Variants in EXOC2 observed in about 807,000 individuals in gnomAD.
EXOC2 encodes the protein exocyst complex component 2.
In EXOC2, 70 loss-of-function variants were observed where a neutral mutation model predicts 131.8. The ratio of observed to expected loss-of-function variants is 0.53; its 90% CI spans 0.44 to 0.65. The LOEUF (loss-of-function observed/expected upper bound fraction) is 0.65, where lower values mean the gene tolerates loss of function less well. EXOC2 is among the 30% of genes least tolerant of loss of function. The probability of loss-of-function intolerance (pLI) is 0.00; values close to 1 mark genes in which losing one functional copy is unlikely to be tolerated. For missense variants in EXOC2, 923 were observed against 1,108.6 expected (o/e 0.83, Z 2.38); for synonymous variants, 411 against 398.4 (o/e 1.03, Z -0.38).
chr6:660,739 G>A (rs1763389091), intron 1 of EXOC2, among the ~76,000 whole-genome samples: 2 of 151,948 alleles, frequency 1.3e-5, no homozygotes, highest in Non-Finnish European at 2.9e-5. Flanking sequence ...ACAAAACAAG[G>A]CTCTTCAACA....
At chr6:565,445 T>A (rs1215502443) in intron 13 of EXOC2, among the ~76,000 whole-genome samples, 1 of 152,238 alleles carries the variant, frequency 6.6e-6, no homozygotes, top group African/African-American at 2.4e-5. Context: ...TTTACTGATA[T>A]AACTCATGTT....
chr6:517,975 CAA>C (rs1338820143), intron 23 of EXOC2, among the ~76,000 whole-genome samples: 4 of 152,148 alleles, frequency 2.6e-5, no homozygotes, highest in African/African-American at 9.7e-5. Flanking sequence ...AAAAGTGACT[CAA>C]GAGAGGTTTA....
intron 23 of EXOC2, among the ~76,000 whole-genome samples, chr6:516,032 T>C (rs1765145389): frequency 6.6e-6 from 1 of 152,212 alleles, no homozygotes; most frequent in African/African-American, 2.4e-5. Flanking sequence ...GTGAGGCATG[T>C]TATAAATAAC....
At chr6:539,942 T>C (rs956786214) in intron 22 of EXOC2, among the ~76,000 whole-genome samples, 7 of 152,168 alleles carry the variant, frequency 4.6e-5, no homozygotes, top group Admixed American at 4.6e-4. Context: ...GCAAAATAAA[T>C]GCCAAGTAAA....
At chr6:636,390 C>T (rs1248342897) in intron 2 of EXOC2, among the ~76,000 whole-genome samples, 3 of 152,164 alleles carry the variant, frequency 2.0e-5, no homozygotes, top group Admixed American at 6.5e-5. Context: ...GGTTTTCTCC[C>T]GACTGTAACC....
intron 4 of EXOC2, among the ~76,000 whole-genome samples, chr6:620,567 G>A (rs1300255968): frequency 2.6e-5 from 4 of 152,094 alleles, no homozygotes; most frequent in Admixed American, 6.5e-5. Flanking sequence ...TAACAGTTAC[G>A]CAGTGGGGAA....
At chr6:616,613 A>C (rs1761022587) in intron 6 of EXOC2, among the ~76,000 whole-genome samples, 1 of 151,278 alleles carries the variant, frequency 6.6e-6, no homozygotes, top group East Asian at 1.9e-4. Context: ...AAAAAAAAAA[A>C]AAAAAAAAAA....
chr6:659,935 G>A (rs1008591177), intron 1 of EXOC2, among the ~76,000 whole-genome samples: 1 of 151,248 alleles, frequency 6.6e-6, no homozygotes, highest in Non-Finnish European at 1.5e-5. Flanking sequence ...TTTTTAGTTC[G>A]CAGCTGGGAG....
At chr6:570,491 T>C (rs1173517650) in intron 13 of EXOC2, among the ~76,000 whole-genome samples, 1 of 152,240 alleles carries the variant, frequency 6.6e-6, no homozygotes, top group African/African-American at 2.4e-5. Flanking sequence ...TATTCAATTC[T>C]ACTCCAGCAG....
chr6:531,516 T>C (rs1766085669), intron 23 of EXOC2, among the ~76,000 whole-genome samples: 1 of 152,244 alleles, frequency 6.6e-6, no homozygotes, highest in Non-Finnish European at 1.5e-5. Context: ...CTGTGGCTAA[T>C]TTAATGATCC....
chr6:682,133 A>G (rs1351250447), intron 1 of EXOC2, among the ~76,000 whole-genome samples: 3 of 152,114 alleles, frequency 2.0e-5, no homozygotes, highest in Non-Finnish European at 4.4e-5. Context: ...CCAGTCACAC[A>G]TAGGGCACTT....
chr6:534,215 A>C (rs533230744), intron 22 of EXOC2, among the ~76,000 whole-genome samples: 3 of 152,314 alleles, frequency 2.0e-5, no homozygotes, highest in African/African-American at 7.2e-5. Context: ...ACATGCAAAA[A>C]ATAGAAATTC....
chr6:633,621 G>GT (rs1761960027), intron 2 of EXOC2, among the ~76,000 whole-genome samples: 2 of 152,174 alleles, frequency 1.3e-5, no homozygotes, highest in African/African-American at 4.8e-5. Context: ...ACTAAAGTAG[G>GT]TTTTTTATTT....
chr6:509,729 T>C (rs1353246636), intron 23 of EXOC2, among the ~76,000 whole-genome samples: 1 of 152,192 alleles, frequency 6.6e-6, no homozygotes. Flanking sequence ...TGCAAACTTT[T>C]CCATGAAGCA....
intron 23 of EXOC2, among the ~76,000 whole-genome samples, chr6:503,444 T>A (rs1264061931): frequency 2.0e-5 from 3 of 152,184 alleles, no homozygotes; most frequent in Non-Finnish European, 2.9e-5. Context: ...GTAAAAAACA[T>A]CTTTGCCCCA....
intron 1 of EXOC2, among the ~76,000 whole-genome samples, chr6:650,635 C>G (rs1393787097): frequency 2.0e-5 from 3 of 152,144 alleles, no homozygotes; most frequent in Admixed American, 2.0e-4. Context: ...TTTCCATTTT[C>G]AAAAGCTACA....
chr6:521,315 A>G (rs1765457420), intron 23 of EXOC2, among the ~76,000 whole-genome samples: 1 of 152,208 alleles, frequency 6.6e-6, no homozygotes, highest in South Asian at 2.1e-4. Context: ...CTCGGAGATG[A>G]AAACCACCAC....
intron 4 of EXOC2, among the ~76,000 whole-genome samples, chr6:623,487 A>C (rs765642265): frequency 2.6e-5 from 4 of 152,246 alleles, no homozygotes; most frequent in African/African-American, 4.8e-5. Flanking sequence ...TTACAAGAAC[A>C]AGACAGACAT....
At chr6:689,591 G>C (rs1218452193) in intron 1 of EXOC2, among the ~76,000 whole-genome samples, 1 of 152,154 alleles carries the variant, frequency 6.6e-6, no homozygotes, top group Non-Finnish European at 1.5e-5. Context: ...CTGAGCTTCT[G>C]CTGGACTTAC....
Sources: allele counts gnomAD v4.1 joint callset (sites outside exome capture counted in the v4.1 genomes callset), GRCh38; gene constraint gnomAD v4.1.1; transcripts MANE v1.5; gene names NCBI Gene and HGNC (gene_info 2026-07-23, HGNC 2026-07-21).